Variants in MARK2 observed in about 807,000 individuals in gnomAD.
The protein encoded by MARK2 is serine/threonine-protein kinase MARK2.
In MARK2, 16 loss-of-function variants were observed where a neutral mutation model predicts 89.8. That is an observed-to-expected ratio of 0.18 (90% CI 0.12 to 0.27). MARK2 has a LOEUF of 0.27. Among genes scored for constraint, MARK2 ranks in the 10% least tolerant of loss-of-function variants. The probability of loss-of-function intolerance (pLI) is 1.00; values close to 1 mark genes in which losing one functional copy is unlikely to be tolerated. For missense variants in MARK2, 621 were observed against 1,049.9 expected (o/e 0.59, Z 5.65); for synonymous variants, 382 against 399.5 (o/e 0.96, Z 0.52).
chr11:63,877,283 G>A (rs1938824594), intron 1 of MARK2, among the ~76,000 whole-genome samples: 1 of 151,240 alleles, frequency 6.6e-6, no homozygotes, highest in Non-Finnish European at 1.5e-5. Flanking sequence ...GCTGATTTTT[G>A]TATTTTTAGT....
chr11:63,886,832 A>C (rs1325363226), intron 1 of MARK2, among the ~76,000 whole-genome samples: 1 of 152,266 alleles, frequency 6.6e-6, no homozygotes, highest in East Asian at 1.9e-4. Flanking sequence ...TGTCTCCCAC[A>C]AATAGGATTG....
At chr11:63,895,659 T>G (rs1358824824) in intron 3 of MARK2, 26 bp downstream of exon 3, 7 of 24,822 alleles carry the variant, frequency 2.8e-4, no homozygotes, top group Non-Finnish European at 4.2e-4. Context: ...CTCCTGTCCC[T>G]TTTTTTTTTT....
intron 1 of MARK2, among the ~76,000 whole-genome samples, chr11:63,845,730 G>A (rs1040419695): frequency 6.6e-5 from 10 of 152,038 alleles, no homozygotes; most frequent in African/African-American, 2.4e-4. Flanking sequence ...GTCATTGCTC[G>A]TCTTTTTTTT....
intron 1 of MARK2, chr11:63,868,869 CG>C (rs1565110406): frequency 2.2e-6 from 1 of 455,964 alleles, no homozygotes; most frequent in Non-Finnish European, 4.4e-6. Flanking sequence ...GAGCATGGCA[CG>C]GGAAGAACTG....
chr11:63,906,697 T>G (rs933987978), intron 17 of MARK2, among the ~76,000 whole-genome samples: 1 of 151,968 alleles, frequency 6.6e-6, no homozygotes, highest in Admixed American at 6.6e-5. Context: ...TTGGAGACAC[T>G]ACGGGGACCC....
rs1265875958 is a variant in MARK2 at position 63,903,975 on chromosome 11, T to C, written c.1515-11T>C. On this transcript the variant is annotated splice_polypyrimidine_tract_variant and intron_variant, in intron 14 of 18. Coordinates refer to ENST00000402010, the MANE Select transcript of MARK2 (RefSeq NM_001039469.3). The surrounding 1 kb of genome is among the most constrained non-coding windows in gnomAD (Gnocchi z 5.1). ...CCTAACACGGGCCTCTCCGCTGCTT[T>C]TGTTTCCTAGCCTAACCATGCCAGG... is the stretch of plus-strand genomic sequence containing the variant. 6.3e-7 allele frequency: 1 copy of C among 1,593,110 alleles called. No individual in the cohort carries two copies. Among genetic ancestry groups the C allele is most frequent in the Non-Finnish European group, 8.6e-7 (1 of 1,168,676 alleles).
chr11:63,848,085 G>T (rs1326520908), intron 1 of MARK2, among the ~76,000 whole-genome samples: 1 of 152,220 alleles, frequency 6.6e-6, no homozygotes, highest in Non-Finnish European at 1.5e-5. Context: ...GTCACCATGT[G>T]TGCTGACACT....
chr11:63,862,555 A>G (rs1937865312), intron 1 of MARK2, among the ~76,000 whole-genome samples: 1 of 152,122 alleles, frequency 6.6e-6, no homozygotes, highest in Non-Finnish European at 1.5e-5. Context: ...AATGGTGTGG[A>G]TGGAGTGGGA....
intron 4 of MARK2, 114 bp downstream of exon 4, chr11:63,898,394 A>G (rs2135334779): frequency 9.2e-7 from 1 of 1,081,164 alleles, no homozygotes; most frequent in Non-Finnish European, 1.4e-6. Context: ...CTTCAAGGAT[A>G]CCCCTGGGGA....
At chr11:63,863,498 T>C (rs1042117180) in intron 1 of MARK2, among the ~76,000 whole-genome samples, 1 of 122,230 alleles carries the variant, frequency 8.2e-6, no homozygotes, top group African/African-American at 3.2e-5. Flanking sequence ...AGGGTTTCTC[T>C]CTGCCACCCA....
intron 17 of MARK2, among the ~76,000 whole-genome samples, chr11:63,906,756 G>A (rs1362288502): frequency 1.3e-5 from 2 of 151,676 alleles, no homozygotes; most frequent in Admixed American, 6.6e-5. Flanking sequence ...AGGAGCTTTT[G>A]TCTCACAAAT....
chr11:63,886,148 CGA>C (rs1419379109), intron 1 of MARK2, among the ~76,000 whole-genome samples: 1 of 150,912 alleles, frequency 6.6e-6, no homozygotes, highest in African/African-American at 2.4e-5. Context: ...AAAAAAGAGA[CGA>C]GAGTCTAATT....
In MARK2 at chr11:63,875,121, T is replaced by A. The variant is rs1462399004; in HGVS notation, c.55-20038T>A. 3.4e-5 allele frequency among the ~76,000 whole-genome samples: 5 copies of A among 148,300 alleles called. No homozygotes were observed. The East Asian group carries it at 9.7e-4, about 29-fold the overall frequency. On this transcript the variant is annotated intron_variant, in intron 1 of 18. Coordinates refer to ENST00000402010, the MANE Select transcript of MARK2 (RefSeq NM_001039469.3). ...GCATGCCACCATGCCCAGCTAATTT[T>A]TTTTTTTTTTTTTTTTTGAGGTAGA...
chr11:63,863,283 A>G (rs1937918474), intron 1 of MARK2, among the ~76,000 whole-genome samples: 1 of 151,948 alleles, frequency 6.6e-6, no homozygotes, highest in Admixed American at 6.6e-5. Flanking sequence ...AGACATCTGC[A>G]GTTGTTTCTT....
At chr11:63,860,972 A>G (rs1215624546) in intron 1 of MARK2, among the ~76,000 whole-genome samples, 2 of 152,192 alleles carry the variant, frequency 1.3e-5, no homozygotes, top group Non-Finnish European at 2.9e-5. Context: ...ATTCGTGTCT[A>G]CATAGAGGAT....
chr11:63,847,894 T>G (rs2016360546), intron 1 of MARK2, among the ~76,000 whole-genome samples: 1 of 152,234 alleles, frequency 6.6e-6, no homozygotes, highest in African/African-American at 2.4e-5. Flanking sequence ...TCAGGACTCC[T>G]TACTGCTATG....
At chr11:63,876,288 A>T (rs192096665) in intron 1 of MARK2, among the ~76,000 whole-genome samples, 15 of 152,318 alleles carry the variant, frequency 9.8e-5, no homozygotes, top group Admixed American at 7.8e-4. Context: ...CTCCTTTTGG[A>T]GATACAGAGA....
chr11:63,875,155 C>T, intron 1 of MARK2, among the ~76,000 whole-genome samples: 1 of 137,692 alleles, frequency 7.3e-6, no homozygotes, highest in East Asian at 2.1e-4. Context: ...GAGTCTCACT[C>T]TGTCACCCAG....
At chr11:63,871,630 T>C (rs1938460178) in intron 1 of MARK2, among the ~76,000 whole-genome samples, 1 of 143,504 alleles carries the variant, frequency 7.0e-6, no homozygotes, top group African/African-American at 2.7e-5. Context: ...TGTGCAGGTG[T>C]GGGTGAAGAG....
Sources: gnomAD v4.1 joint callset for allele counts (sites outside exome capture counted in the v4.1 genomes callset) on GRCh38, gnomAD v4.1.1 for gene constraint, Gnocchi (gnomAD v3.1) non-coding constraint, MANE v1.5 for transcripts, NCBI Gene and HGNC (gene_info 2026-07-23, HGNC 2026-07-21) for gene names.